Variants in PTPRR observed in about 807,000 individuals in gnomAD.
PTPRR encodes the protein receptor-type tyrosine-protein phosphatase R.
A neutral mutation model predicts 77.2 loss-of-function variants in PTPRR; 38 were observed. The ratio of observed to expected loss-of-function variants is 0.49; its 90% CI spans 0.38 to 0.65. PTPRR has a LOEUF of 0.65. Among genes scored for constraint, PTPRR ranks in the 30% least tolerant of loss-of-function variants. The pLI is 0.00. For synonymous variants in PTPRR, 299 were observed against 283.1 expected, an observed-to-expected ratio of 1.06 and a Z score of -0.57; for missense variants, 744 against 799.2, an observed-to-expected ratio of 0.93 and a Z score of 0.83.
intron 2 of PTPRR, among the ~76,000 whole-genome samples, chr12:70,852,761 T>C (rs1323258180): frequency 1.3e-5 from 2 of 152,200 alleles, no homozygotes; most frequent in Admixed American, 1.3e-4. Context: ...ATTATTTACT[T>C]TTTTTGGACT....
intron 6 of PTPRR, among the ~76,000 whole-genome samples, chr12:70,741,488 C>T (rs1399149844): frequency 6.6e-6 from 1 of 152,118 alleles, no homozygotes; most frequent in Non-Finnish European, 1.5e-5. Context: ...TATTCCTACT[C>T]CCTCTTTCAC....
chr12:70,730,802 G>GGAGA (rs140932520), intron 6 of PTPRR, among the ~76,000 whole-genome samples: 1 of 150,548 alleles, frequency 6.6e-6, no homozygotes, highest in Non-Finnish European at 1.5e-5. Context: ...CCAGCTTGGG[G>GGAGA]GAGAGAGAGA....
chr12:70,764,826 A>G, intron 2 of PTPRR, 48 bp from the exon 3 acceptor site: 1 of 1,343,522 alleles, frequency 7.4e-7, no homozygotes, highest in Non-Finnish European at 1.1e-6. Flanking sequence ...ATTAATTTGT[A>G]TAGATGTATA....
chr12:70,761,230 A>G (rs1031761284), intron 4 of PTPRR, among the ~76,000 whole-genome samples: 8 of 152,234 alleles, frequency 5.3e-5, no homozygotes, highest in African/African-American at 1.7e-4. Context: ...AATAAGTTAT[A>G]AGGCCACAAA....
chr12:70,666,828 A>G (rs1887013125), intron 10 of PTPRR, among the ~76,000 whole-genome samples: 1 of 151,856 alleles, frequency 6.6e-6, no homozygotes, highest in African/African-American at 2.4e-5. Context: ...ACTGAACCCC[A>G]TAATAAACAA....
chr12:70,702,357 C>T (rs773698706), intron 6 of PTPRR, among the ~76,000 whole-genome samples: 4 of 151,832 alleles, frequency 2.6e-5, no homozygotes, highest in East Asian at 1.9e-4. Flanking sequence ...TTAAAGGGGC[C>T]GTAGGTGTGT....
rs530183759 is a variant in PTPRR, at chr12:70,799,026, G to C, written c.358-34248C>G. On this transcript the variant is annotated intron_variant, in intron 2 of 13. Coordinates refer to ENST00000283228, the MANE Select transcript of PTPRR (RefSeq NM_002849.4). The stretch of plus-strand genomic sequence containing the variant: ...AGTAAATAACAAAAAGTAGTCTAAG[G>C]ACCTTGGTAGAAGAAGTATAAGGGG... Among the ~76,000 whole-genome samples, 33 of 152,180 alleles carry C rather than the reference G, an allele frequency of 2.2e-4. 1 individual carries two copies. Among genetic ancestry groups the C allele is most frequent in the African/African-American group, 7.9e-4 (33 of 41,518 alleles).
intron 13 of PTPRR, among the ~76,000 whole-genome samples, chr12:70,655,444 G>A (rs1344691825): frequency 5.3e-5 from 8 of 152,154 alleles, no homozygotes; most frequent in African/African-American, 1.2e-4. Context: ...ATTTGCATAC[G>A]CATGTTCATA....
intron 2 of PTPRR, among the ~76,000 whole-genome samples, chr12:70,807,233 C>T (rs1426254477): frequency 2.0e-5 from 3 of 152,196 alleles, no homozygotes; most frequent in Non-Finnish European, 2.9e-5. Flanking sequence ...TGTTGAACTA[C>T]TGCATCTACT....
In PTPRR at chr12:70,811,157, G is replaced by A. The variant is rs547932649; in HGVS notation, c.358-46379C>T. On this transcript the variant is annotated intron_variant, in intron 2 of 13. Transcript: ENST00000283228. Reference sequence around the variant, plus strand: ...TGTTAGATGTTTGCATTTGATGGACGCCACTGCAGTTTCTCAACCAATGCA... The same window carrying A: ...TGTTAGATGTTTGCATTTGATGGACACCACTGCAGTTTCTCAACCAATGCA... Among the ~76,000 whole-genome samples, 16 of 152,224 alleles carry A rather than the reference G, an allele frequency of 1.1e-4. 1 individual carries two copies. Among genetic ancestry groups the A allele is most frequent in the Admixed American group, 9.2e-4 (14 of 15,284 alleles).
At chr12:70,739,831 A>T (rs1889988806) in intron 6 of PTPRR, among the ~76,000 whole-genome samples, 1 of 152,162 alleles carries the variant, frequency 6.6e-6, no homozygotes, top group Non-Finnish European at 1.5e-5. Flanking sequence ...CTGAGGGAAG[A>T]GGAAGGACCA....
At chr12:70,873,146 G>C (rs1787534122) in intron 2 of PTPRR, among the ~76,000 whole-genome samples, 1 of 152,138 alleles carries the variant, frequency 6.6e-6, no homozygotes, top group Non-Finnish European at 1.5e-5. Flanking sequence ...AAGTGAGTTG[G>C]ACAGGTGGTA....
intron 2 of PTPRR, among the ~76,000 whole-genome samples, chr12:70,810,077 T>A (rs138453745): frequency 2.0e-3 from 298 of 152,330 alleles, no homozygotes; most frequent in African/African-American, 6.9e-3. Flanking sequence ...GTGGGACTTT[T>A]CTAGTGACGT....
intron 6 of PTPRR, among the ~76,000 whole-genome samples, chr12:70,730,208 A>T (rs1480928417): frequency 6.6e-6 from 1 of 152,066 alleles, no homozygotes; most frequent in Non-Finnish European, 1.5e-5. Flanking sequence ...TCATATATGG[A>T]AGAACATATT....
chr12:70,702,490 C>T (rs1888463788), intron 6 of PTPRR, among the ~76,000 whole-genome samples: 1 of 152,110 alleles, frequency 6.6e-6, no homozygotes, highest in African/African-American at 2.4e-5. Context: ...AAATTATTCC[C>T]TCTGGTATTT....
At chr12:70,817,757 A>C (rs11178441) in intron 2 of PTPRR, among the ~76,000 whole-genome samples, 3,235 of 152,324 alleles carry the variant, frequency 0.021, 61 homozygotes, top group African/African-American at 0.055. Flanking sequence ...TATGTTTGTC[A>C]ATAAGAGATA....
rs146686770 is a variant in PTPRR, at chr12:70,689,816, A to C, written c.1280-5033T>G. 5.9e-5 allele frequency among the ~76,000 whole-genome samples: 9 copies of C among 152,296 alleles called. No homozygotes were observed. In the East Asian group the frequency reaches 1.7e-3, roughly 29 times the overall value. ...AGCACACAATAGTACGCATATCCAA[A>C]TATGTACTTTAAGAGCTAGTCGTCT... On this transcript the variant is annotated intron_variant, in intron 8 of 13. Transcript: ENST00000283228.
intron 13 of PTPRR, among the ~76,000 whole-genome samples, chr12:70,652,401 A>G (rs1886429294): frequency 6.6e-6 from 1 of 152,178 alleles, no homozygotes; most frequent in Non-Finnish European, 1.5e-5. Flanking sequence ...CAGAAGGAAG[A>G]GACAAGAAAA....
chr12:70,792,176 G>T (rs1392605049), intron 2 of PTPRR, among the ~76,000 whole-genome samples: 1 of 152,206 alleles, frequency 6.6e-6, no homozygotes, highest in Admixed American at 6.6e-5. Context: ...CTACGTCAGA[G>T]GTTGTTAAGG....
Sources: allele counts gnomAD v4.1 joint callset (sites outside exome capture counted in the v4.1 genomes callset), GRCh38; gene constraint gnomAD v4.1.1; transcripts MANE v1.5; gene names NCBI Gene and HGNC (gene_info 2026-07-23, HGNC 2026-07-21).